KIDINS220: variants seen among roughly 807,000 people sequenced by gnomAD.
KIDINS220 encodes the protein kinase D-interacting substrate of 220 kDa.
Under a neutral mutation model 157.6 loss-of-function variants are expected in KIDINS220, and 63 were observed. That is an observed-to-expected ratio of 0.40 (90% CI 0.33 to 0.49). KIDINS220 has a LOEUF of 0.49. Ranked by LOEUF, KIDINS220 falls within the 20% of genes least tolerant of loss-of-function variation. KIDINS220 has a pLI of 0.66. For missense variants in KIDINS220, 1,772 were observed against 2,171.2 expected, an observed-to-expected ratio of 0.82 and a Z score of 3.65; for synonymous variants, 732 against 783.6, an observed-to-expected ratio of 0.93 and a Z score of 1.10.
At chr2:8,743,413 A>G (rs902482466) in intron 26 of KIDINS220, among the ~76,000 whole-genome samples, 3 of 152,182 alleles carry the variant, frequency 2.0e-5, no homozygotes, top group Admixed American at 2.0e-4. Context: ...TAGTAGCAGT[A>G]GTAATAATAA....
intron 22 of KIDINS220, among the ~76,000 whole-genome samples, chr2:8,767,326 T>G (rs984269908): frequency 6.6e-6 from 1 of 152,146 alleles, no homozygotes; most frequent in Non-Finnish European, 1.5e-5. Context: ...ATAAGTCATA[T>G]ATCAAAAACA....
At chr2:8,821,334 A>G (rs1433064404) in intron 2 of KIDINS220, among the ~76,000 whole-genome samples, 1 of 151,556 alleles carries the variant, frequency 6.6e-6, no homozygotes, top group African/African-American at 2.4e-5. Context: ...GCGGGTGGCA[A>G]TGAGCTCAGC....
intron 17 of KIDINS220, among the ~76,000 whole-genome samples, chr2:8,783,957 AG>A (rs1437828009): frequency 6.6e-6 from 1 of 152,190 alleles, no homozygotes; most frequent in Non-Finnish European, 1.5e-5. Flanking sequence ...GACCCAGAAT[AG>A]CCAACACAGT....
chr2:8,736,470 T>C (rs529243369), intron 27 of KIDINS220, among the ~76,000 whole-genome samples: 1 of 152,232 alleles, frequency 6.6e-6, no homozygotes, highest in African/African-American at 2.4e-5. Context: ...TGGCTTACTT[T>C]GATAATCACT....
At chr2:8,831,305 C>T (rs964922566) in intron 1 of KIDINS220, among the ~76,000 whole-genome samples, 1 of 152,068 alleles carries the variant, frequency 6.6e-6, no homozygotes, top group Non-Finnish European at 1.5e-5. Flanking sequence ...ATCTTTCTCC[C>T]CTCCTCAGCC....
chr2:8,804,951 A>C (rs1368626904), intron 7 of KIDINS220, among the ~76,000 whole-genome samples: 2 of 152,168 alleles, frequency 1.3e-5, no homozygotes, highest in East Asian at 3.9e-4. Flanking sequence ...TTCCCATGCC[A>C]ATGAAAGCTC....
At chr2:8,761,431 T>A (rs1330461670) in intron 22 of KIDINS220, among the ~76,000 whole-genome samples, 5 of 152,182 alleles carry the variant, frequency 3.3e-5, no homozygotes, top group Non-Finnish European at 7.3e-5. Context: ...AAATGCAAAT[T>A]TGTAAGCAGA....
chr2:8,789,891 T>C lies in KIDINS220; in HGVS notation c.1610A>G (p.Tyr537Cys), dbSNP rs1672956499. 1 of 1,607,406 alleles carries C rather than the reference T, an allele frequency of 6.2e-7. No homozygotes were observed. ...AVSLSFLALL[Y>C]IFFIVIYFGG... ...AAGCAAAGACTTACTAAAGAATATA[T>C]ATAAGAGAGCCAAGAAGCTCAGTGA... The change falls in exon 14 of 30, where the codon TAT becomes TGT. Residue 537 changes from tyrosine (Y) to cysteine (C), a missense_variant. By Grantham distance (194) the Tyr-to-Cys change is radical (BLOSUM62 -2). This residue lies in a region of KIDINS220 where 725 missense variants were observed against 1,017.1 expected (regional missense o/e 0.71). Transcript: ENST00000256707.
At chr2:8,821,432 G>A (rs116600185) in intron 2 of KIDINS220, among the ~76,000 whole-genome samples, 1,605 of 151,864 alleles carry the variant, frequency 0.011, 40 homozygotes, top group African/African-American at 0.037. Flanking sequence ...CCAGGAAAGC[G>A]CTGTACTAAT....
rs546034333 is a variant in KIDINS220, at chr2:8,797,378, G to A, written c.1000-509C>T. 6.6e-5 allele frequency among the ~76,000 whole-genome samples: 10 copies of A among 152,322 alleles called. No individual in the cohort carries two copies. In the East Asian group the frequency reaches 1.9e-3, roughly 29 times the overall value. On this transcript the variant is annotated intron_variant, in intron 10 of 29. Transcript: ENST00000256707. ...TTCAAAACCAAAGGAAGGGAAACAA[G>A]AAGAGACCACAATTCAGCACTGAGT...
At chr2:8,744,378 A>AT (rs1666117310) in intron 26 of KIDINS220, among the ~76,000 whole-genome samples, 2 of 25,934 alleles carry the variant, frequency 7.7e-5, no homozygotes, top group Non-Finnish European at 6.1e-5. Context: ...AAAAAAAAAA[A>AT]AAAAAAAAAA....
chr2:8,735,010 C>T (rs1202663235), intron 27 of KIDINS220, among the ~76,000 whole-genome samples: 1 of 152,212 alleles, frequency 6.6e-6, no homozygotes, highest in Admixed American at 6.5e-5. Context: ...CTCCTATTTC[C>T]AAAACTACCT....
At chr2:8,796,696 A>T (rs1407970691) in intron 11 of KIDINS220, 75 bp downstream of exon 11, 1 of 1,123,914 alleles carries the variant, frequency 8.9e-7, no homozygotes, top group East Asian at 2.3e-5. Flanking sequence ...TCAGATCCCC[A>T]TTAAATCCAC....
In KIDINS220 at chr2:8,729,366, A is replaced by G. The variant is rs575990774; in HGVS notation, c.*1354T>C. The G allele has an allele frequency of 3.0e-6, 3 of 985,476 alleles. No homozygotes were observed. In the African/African-American group the frequency reaches 5.2e-5, roughly 17 times the overall value. 61.0% of individuals were successfully genotyped at this position (985,476 alleles called of 1,614,324 possible). On this transcript the variant is annotated 3_prime_UTR_variant, in exon 30 of 30. Coordinates refer to ENST00000256707, the MANE Select transcript of KIDINS220 (RefSeq NM_020738.4). Reference sequence around the variant, plus strand: ...AAATGTAACACTGAATCTAGATAATAGCGCATCTGCGATCTCACCATCTAC... The same window carrying G: ...AAATGTAACACTGAATCTAGATAATGGCGCATCTGCGATCTCACCATCTAC...
intron 4 of KIDINS220, among the ~76,000 whole-genome samples, chr2:8,816,114 C>T (rs1419794507): frequency 6.6e-6 from 1 of 152,144 alleles, no homozygotes; most frequent in African/African-American, 2.4e-5. Context: ...AATAAAGAAC[C>T]TTTAATAAAG....
chr2:8,747,223 G>C (rs745702482), intron 25 of KIDINS220, 22 bp from the exon 26 acceptor site: 1 of 1,613,088 alleles, frequency 6.2e-7, no homozygotes, highest in South Asian at 1.1e-5. Context: ...AAACAGGAGA[G>C]TGTGGGTGAA....
In KIDINS220 at chr2:8,736,331, T is replaced by C. The variant is rs139052031; in HGVS notation, c.3717+537A>G. Among the ~76,000 whole-genome samples the C allele has an allele frequency of 2.0e-4, 31 of 152,214 alleles. No homozygotes were observed. In the East Asian group the frequency reaches 6.0e-3, roughly 29 times the overall value. ...AGCTGCTAGAATTGCAATAGGATCT[T>C]AGAAGAAAAAAAAACTATGCAAATG... is the stretch of plus-strand genomic sequence containing the variant. On this transcript the variant is annotated intron_variant, in intron 27 of 29. Coordinates refer to ENST00000256707, the MANE Select transcript of KIDINS220 (RefSeq NM_020738.4).
In KIDINS220 at chr2:8,731,634, T is replaced by C. The variant is rs775841016; in HGVS notation, c.4402A>G (p.Asn1468Asp). The change falls in exon 30 of 30, where the codon AAC becomes GAC. Residue 1468 changes from asparagine to aspartate, a missense_variant. By Grantham distance (23) the Asn-to-Asp change is conservative (BLOSUM62 1). Transcript: ENST00000256707. This position sits in a 1 kb window ranked among gnomAD's most constrained non-coding sequence, Gnocchi z 5.2. ...ATAGGATCCAGGGGGGAAGCATCGT[T>C]GGTGGAAACCCCTGATGATGAATAA... ...IDYSSSGVST[N>D]DASPLDPITE... is the part of the protein sequence containing the mutation. 6.2e-7 allele frequency: 1 copy of C among 1,614,088 alleles called. No homozygotes were observed. The highest frequency in any genetic ancestry group is 1.7e-5 in the Admixed American group (1 of 59,996).
At position 8,738,504 on chromosome 2, in the gene KIDINS220, T is replaced by C. The variant is rs538082889; in HGVS notation, c.3586-1505A>G. ...TTAGCATTAGTGGTGGGAAGGCTTA[T>C]GGACATCAAGAACCTTCAACTCTGA... On this transcript the variant is annotated intron_variant, in intron 26 of 29. Transcript: ENST00000256707. 1.8e-4 allele frequency among the ~76,000 whole-genome samples: 27 copies of C among 152,348 alleles called. 1 individual carries two copies. The highest frequency in any genetic ancestry group is 6.0e-4 in the African/African-American group (25 of 41,586).
Sources: allele counts gnomAD v4.1 joint callset (sites outside exome capture counted in the v4.1 genomes callset), GRCh38; gene constraint gnomAD v4.1.1; regional missense constraint gnomAD v4.1.1; non-coding constraint Gnocchi (gnomAD v3.1); transcripts MANE v1.5; gene names NCBI Gene and HGNC (gene_info 2026-07-23, HGNC 2026-07-21).